The following TNFAIP8 variants were observed in gnomAD, a reference collection of about 807,000 sequenced individuals.
TNFAIP8 encodes tumor necrosis factor alpha-induced protein 8.
A neutral mutation model predicts 13.3 loss-of-function variants in TNFAIP8; 7 were observed. The ratio of observed to expected loss-of-function variants is 0.52; its 90% CI spans 0.30 to 0.99. The LOEUF is 0.99. Ranked by LOEUF, TNFAIP8 falls within the 50% of genes least tolerant of loss-of-function variation. TNFAIP8 has a pLI of 0.07. For synonymous variants in TNFAIP8, 94 were observed against 87.6 expected, an observed-to-expected ratio of 1.07 and a Z score of -0.41; for missense variants, 258 against 236.9, an observed-to-expected ratio of 1.09 and a Z score of -0.58.
exon 1 of TNFAIP8, chr5:119,268,767 C>G: frequency 1.5e-6 from 1 of 670,228 alleles, no homozygotes; most frequent in Non-Finnish European, 2.7e-6. Context: ...GCCTCTGCCT[C>G]CTTTTCTCCC....
intron 1 of TNFAIP8, among the ~76,000 whole-genome samples, chr5:119,277,889 C>G (rs971934225): frequency 1.3e-5 from 2 of 152,106 alleles, no homozygotes; most frequent in Non-Finnish European, 1.5e-5. Flanking sequence ...GCAAAAGGCA[C>G]TGGGGTACAC....
At chr5:119,341,769 A>G (rs1015134908) in intron 1 of TNFAIP8, among the ~76,000 whole-genome samples, 20 of 152,222 alleles carry the variant, frequency 1.3e-4, no homozygotes, top group African/African-American at 3.6e-4. Context: ...GGAAATCTCA[A>G]TCAAAACAGT....
At chr5:119,372,557 G>A (rs777585101) in intron 1 of TNFAIP8, among the ~76,000 whole-genome samples, 2 of 152,076 alleles carry the variant, frequency 1.3e-5, no homozygotes, top group African/African-American at 4.8e-5. Flanking sequence ...AATGGCCACC[G>A]CTATGTGTGC....
intron 1 of TNFAIP8, among the ~76,000 whole-genome samples, chr5:119,387,601 A>G (rs1752730559): frequency 6.6e-6 from 1 of 152,246 alleles, no homozygotes; most frequent in Admixed American, 6.5e-5. Context: ...CTAAGTATTA[A>G]TAACAAAGGA....
At chr5:119,350,277 C>T (rs781390120) in intron 1 of TNFAIP8, among the ~76,000 whole-genome samples, 8 of 152,126 alleles carry the variant, frequency 5.3e-5, no homozygotes, top group South Asian at 2.1e-4. Flanking sequence ...GTTGAATTTA[C>T]GTGAATGAAG....
At chr5:119,321,074 G>A (rs7712227) in intron 1 of TNFAIP8, among the ~76,000 whole-genome samples, 7,412 of 152,178 alleles carry the variant, frequency 0.049, 224 homozygotes, top group Middle Eastern at 0.065. Flanking sequence ...AAAACTAGGC[G>A]GGCGTGGTGG....
chr5:119,316,550 G>A (rs1426719718), intron 1 of TNFAIP8, among the ~76,000 whole-genome samples: 1 of 152,140 alleles, frequency 6.6e-6, no homozygotes, highest in African/African-American at 2.4e-5. Context: ...GCATTTTTGA[G>A]TTGGGTTAAA....
At chr5:119,370,337 CA>C (rs1040150571) in intron 1 of TNFAIP8, among the ~76,000 whole-genome samples, 1 of 150,786 alleles carries the variant, frequency 6.6e-6, no homozygotes, top group African/African-American at 2.4e-5. Flanking sequence ...TGCATGAATC[CA>C]CACATAAAAC....
chr5:119,299,324 C>G (rs182899426), intron 1 of TNFAIP8, among the ~76,000 whole-genome samples: 1 of 152,174 alleles, frequency 6.6e-6, no homozygotes, highest in Non-Finnish European at 1.5e-5. Flanking sequence ...TTCCTTCTAA[C>G]AGTCAGGACC....
chr5:119,283,841 G>A (rs10519576), intron 1 of TNFAIP8, among the ~76,000 whole-genome samples: 12,665 of 152,132 alleles, frequency 0.083, 733 homozygotes, highest in African/African-American at 0.16. Context: ...AAGAATCTTC[G>A]AGACAAATAA....
At chr5:119,329,419 C>T (rs1750310926) in intron 1 of TNFAIP8, among the ~76,000 whole-genome samples, 1 of 152,222 alleles carries the variant, frequency 6.6e-6, no homozygotes, top group East Asian at 1.9e-4. Flanking sequence ...GTCTCTGCCC[C>T]TGTGCTGGCC....
intron 1 of TNFAIP8, among the ~76,000 whole-genome samples, chr5:119,368,470 T>TGTGTGTGTGTGTG (rs1554181809): frequency 6.7e-6 from 1 of 150,122 alleles, no homozygotes; most frequent in Non-Finnish European, 1.5e-5. Context: ...CGTGTGTGTG[T>TGTGTGTGTGTGTG]TTGTGTTGGG....
chr5:119,355,918 C>A (rs538364393), upstream of TNFAIP8: 165 of 1,351,054 alleles, frequency 1.2e-4, no homozygotes, highest in Middle Eastern at 8.4e-4. Flanking sequence ...CAGAACTTTC[C>A]CCCTGAAAAT....
chr5:119,273,634 A>G (rs1401440138), intron 1 of TNFAIP8, among the ~76,000 whole-genome samples: 1 of 152,202 alleles, frequency 6.6e-6, no homozygotes, highest in Non-Finnish European at 1.5e-5. Context: ...TTAAATTGTG[A>G]GCAGTGGGTT....
At chr5:119,351,513 T>G (rs1310513357), upstream of TNFAIP8, among the ~76,000 whole-genome samples, 1 of 152,196 alleles carries the variant, frequency 6.6e-6, no homozygotes, top group Non-Finnish European at 1.5e-5. Flanking sequence ...CTAATGTAAG[T>G]GTTCCGAACA....
upstream of TNFAIP8, among the ~76,000 whole-genome samples, chr5:119,353,683 A>AAG (rs1751267005): frequency 7.3e-6 from 1 of 137,718 alleles, no homozygotes; most frequent in Non-Finnish European, 1.6e-5. Context: ...CTATTCATTC[A>AAG]GCAGTTGTAA....
chr5:119,323,195 C>T (rs1257017242), intron 1 of TNFAIP8, among the ~76,000 whole-genome samples: 2 of 152,214 alleles, frequency 1.3e-5, no homozygotes, highest in African/African-American at 4.8e-5. Context: ...GTCTAACATC[C>T]TATGCTGCTA....
At chr5:119,269,085 T>C (rs2150796295) in intron 1 of TNFAIP8, among the ~76,000 whole-genome samples, 1 of 152,356 alleles carries the variant, frequency 6.6e-6, no homozygotes, top group South Asian at 2.1e-4. Flanking sequence ...TACGAGTGTG[T>C]GCAGGAGCGC....
At chr5:119,367,441 G>C (rs981318216) in intron 1 of TNFAIP8, among the ~76,000 whole-genome samples, 6 of 152,198 alleles carry the variant, frequency 3.9e-5, no homozygotes, top group African/African-American at 1.4e-4. Flanking sequence ...TACTAGAATA[G>C]TATAGAACCT....
Sources: allele counts gnomAD v4.1 joint callset (sites outside exome capture counted in the v4.1 genomes callset), GRCh38; gene constraint gnomAD v4.1.1; transcripts MANE v1.5; gene names NCBI Gene and HGNC (gene_info 2026-07-23, HGNC 2026-07-21).